Variants in CUL1 observed in about 807,000 individuals in gnomAD.
CUL1 encodes cullin 1.
In CUL1, 24 loss-of-function variants were observed where a neutral mutation model predicts 118.0. The ratio of observed to expected loss-of-function variants is 0.20; its 90% CI spans 0.15 to 0.29. The LOEUF (loss-of-function observed/expected upper bound fraction) is 0.29. Ranked by LOEUF, CUL1 falls within the 10% of genes least tolerant of loss-of-function variation. CUL1 has a pLI of 1.00. For synonymous variants in CUL1, 332 were observed against 340.4 expected (o/e 0.98, Z 0.27); for missense variants, 361 against 933.8 (o/e 0.39, Z 7.99).
At chr7:148,772,248 CTACTAAAAATACAAAAATTA>C (rs2129461369) in intron 9 of CUL1, among the ~76,000 whole-genome samples, 1 of 152,250 alleles carries the variant, frequency 6.6e-6, no homozygotes, top group South Asian at 2.1e-4. Context: ...AACCCCGTCT[CTACTAAAAATACAAAAATTA>C]GCCGGGCGTG....
intron 9 of CUL1, among the ~76,000 whole-genome samples, chr7:148,773,748 T>G (rs1800301926): frequency 6.6e-6 from 1 of 152,212 alleles, no homozygotes; most frequent in African/African-American, 2.4e-5. Flanking sequence ...AGACAGTCCT[T>G]CTTTTTTCTA....
chr7:148,766,495 A>G, intron 7 of CUL1, 66 bp from the exon 8 acceptor site: 4 of 1,313,326 alleles, frequency 3.0e-6, no homozygotes, highest in Non-Finnish European at 4.1e-6. Context: ...TAATTTACAT[A>G]TTAAAGAATT....
intron 9 of CUL1, among the ~76,000 whole-genome samples, chr7:148,774,038 G>A (rs915519639): frequency 6.6e-6 from 1 of 152,074 alleles, no homozygotes; most frequent in Non-Finnish European, 1.5e-5. Flanking sequence ...CACACAATAC[G>A]TGAAATAAAA....
intron 1 of CUL1, among the ~76,000 whole-genome samples, chr7:148,699,567 C>T (rs1469255037): frequency 6.6e-6 from 1 of 152,142 alleles, no homozygotes; most frequent in Non-Finnish European, 1.5e-5. Context: ...GCAGGAGCAG[C>T]CGCGGAGCCG....
chr7:148,769,677 A>G (rs189995063), intron 9 of CUL1, among the ~76,000 whole-genome samples: 28 of 152,296 alleles, frequency 1.8e-4, no homozygotes, highest in Non-Finnish European at 3.7e-4. Flanking sequence ...ATTGCTATAT[A>G]CTAGGTATGA....
At chr7:148,778,095 AAAGAAG>A (rs1488340904) in intron 9 of CUL1, among the ~76,000 whole-genome samples, 39 of 80,742 alleles carry the variant, frequency 4.8e-4, no homozygotes, top group East Asian at 2.7e-3. Context: ...AAAAAAAAAA[AAAGAAG>A]AAGAAGAAGA....
intron 2 of CUL1, among the ~76,000 whole-genome samples, chr7:148,742,769 T>C (rs576695865): frequency 6.6e-6 from 1 of 152,028 alleles, no homozygotes; most frequent in Admixed American, 6.6e-5. Flanking sequence ...GCCCAGCTAA[T>C]TTTTGTATTT....
At chr7:148,718,686 C>T (rs1798296037) in intron 1 of CUL1, among the ~76,000 whole-genome samples, 1 of 151,334 alleles carries the variant, frequency 6.6e-6, no homozygotes, top group Non-Finnish European at 1.5e-5. Context: ...GTGCTGTGAA[C>T]ATTCATGTAC....
chr7:148,792,451 G>T (rs1801047028), intron 16 of CUL1, among the ~76,000 whole-genome samples: 1 of 152,132 alleles, frequency 6.6e-6, no homozygotes, highest in Non-Finnish European at 1.5e-5. Context: ...CGTATCTATA[G>T]TATGTATCCA....
intron 1 of CUL1, among the ~76,000 whole-genome samples, chr7:148,705,285 A>G (rs1797846031): frequency 6.6e-6 from 1 of 152,026 alleles, no homozygotes; most frequent in Non-Finnish European, 1.5e-5. Context: ...TTAGTTCACA[A>G]CTCCTAGTGA....
intron 9 of CUL1, among the ~76,000 whole-genome samples, chr7:148,772,553 AAAC>A (rs1259946788): frequency 3.3e-5 from 5 of 152,240 alleles, no homozygotes; most frequent in African/African-American, 1.2e-4. Context: ...TTTGCAGATC[AAAC>A]TGAAATCGTT....
chr7:148,704,046 C>T (rs1012767682), intron 1 of CUL1, among the ~76,000 whole-genome samples: 1 of 151,718 alleles, frequency 6.6e-6, no homozygotes, highest in African/African-American at 2.4e-5. Context: ...GTTAAAATTC[C>T]ATAAACAGAA....
intron 2 of CUL1, among the ~76,000 whole-genome samples, chr7:148,747,633 G>A (rs1437398419): frequency 2.0e-5 from 3 of 152,174 alleles, no homozygotes; most frequent in Non-Finnish European, 4.4e-5. Context: ...TCCCAGGAAG[G>A]CAACTGCTAA....
intron 9 of CUL1, among the ~76,000 whole-genome samples, chr7:148,778,806 T>C (rs965953458): frequency 1.1e-4 from 16 of 152,222 alleles, no homozygotes; most frequent in African/African-American, 3.6e-4. Context: ...AGAGGTAGTG[T>C]AGGCAAGAGC....
intron 3 of CUL1, among the ~76,000 whole-genome samples, chr7:148,755,794 A>G (rs1418205860): frequency 6.6e-6 from 1 of 152,220 alleles, no homozygotes; most frequent in Non-Finnish European, 1.5e-5. Context: ...ACAAAAAATT[A>G]TTTGTCTCAA....
intron 1 of CUL1, among the ~76,000 whole-genome samples, chr7:148,722,891 G>A (rs1401421584): frequency 6.6e-6 from 1 of 152,272 alleles, no homozygotes; most frequent in East Asian, 1.9e-4. Context: ...CGAGGCACAT[G>A]AGCCTGGTTG....
At position 148,783,809 on chromosome 7, in the gene CUL1, G is replaced by T. The variant is rs754327387; in HGVS notation, c.1110G>T (p.Val370=). ...LNDPKMYVQT[V]LDVHKKYNAL... ...ACCCCAAAATGTATGTACAGACAGT[G>T]CTTGATGTTCATAAAAAATACAATG... The change falls in exon 10 of 22, where the codon GTG becomes GTT. Residue 370 remains valine, a synonymous_variant. Coordinates refer to ENST00000325222, the MANE Select transcript of CUL1 (RefSeq NM_003592.3). 1.6e-5 allele frequency: 26 copies of T among 1,614,148 alleles called. No individual in the cohort carries two copies. In the South Asian group the frequency reaches 2.9e-4, roughly 18 times the overall value.
intron 20 of CUL1, 31 bp from the exon 21 acceptor site, chr7:148,799,244 T>C: frequency 6.5e-7 from 1 of 1,537,202 alleles, no homozygotes; most frequent in South Asian, 1.1e-5. Context: ...CAGCTCTAAA[T>C]GCACTTCTTT....
chr7:148,771,252 A>C (rs1319825654), intron 9 of CUL1, among the ~76,000 whole-genome samples: 1 of 152,222 alleles, frequency 6.6e-6, no homozygotes, highest in Non-Finnish European at 1.5e-5. Flanking sequence ...TGGTTAGAAA[A>C]CCAGCTTTAC....
Sources: gnomAD v4.1 joint callset for allele counts (sites outside exome capture counted in the v4.1 genomes callset) on GRCh38, gnomAD v4.1.1 for gene constraint, MANE v1.5 for transcripts, NCBI Gene and HGNC (gene_info 2026-07-23, HGNC 2026-07-21) for gene names.